The following TUSC3 variants were observed in gnomAD, a reference collection of about 807,000 sequenced individuals.
TUSC3 encodes the protein tumor suppressor candidate 3, also known as dolichyl-diphosphooligosaccharide--protein glycosyltransferase subunit TUSC3.
In TUSC3, 45 loss-of-function variants were observed where a neutral mutation model predicts 44.8. That is an observed-to-expected ratio of 1.00 (90% CI 0.79 to 1.29). TUSC3 has a LOEUF of 1.29. Ranked by LOEUF, TUSC3 falls within the 50% of genes most tolerant of loss-of-function variation. The probability of loss-of-function intolerance (pLI) is 0.00; values close to 1 mark genes in which losing one functional copy is unlikely to be tolerated. For synonymous variants in TUSC3, 212 were observed against 152.9 expected (o/e 1.39, Z -2.85); for missense variants, 519 against 437.9 (o/e 1.19, Z -1.65).
At chr8:15,758,238 C>T in intron 10 of TUSC3, 1 of 997,802 alleles carries the variant, frequency 1.0e-6, no homozygotes, top group Non-Finnish European at 1.2e-6. Context: ...TAATGTAAGC[C>T]TTAATATTCA....
At chr8:15,690,181 AT>A (rs1258646220) in intron 6 of TUSC3, among the ~76,000 whole-genome samples, 7 of 152,010 alleles carry the variant, frequency 4.6e-5, no homozygotes, top group Non-Finnish European at 1.5e-5. Context: ...AAAATCTATT[AT>A]TTTATGTCTT....
intron 1 of TUSC3, among the ~76,000 whole-genome samples, chr8:15,471,854 G>A (rs1270999741): frequency 1.3e-5 from 2 of 152,088 alleles, no homozygotes; most frequent in Admixed American, 6.6e-5. Flanking sequence ...CTGACCTCAG[G>A]TGATCCACCG....
intron 1 of TUSC3, among the ~76,000 whole-genome samples, chr8:15,451,604 C>T (rs1178168830): frequency 6.6e-6 from 1 of 152,186 alleles, no homozygotes; most frequent in Non-Finnish European, 1.5e-5. Context: ...CCAAATGCAT[C>T]TCTTCCATCT....
chr8:15,519,421 A>G (rs1050742106), intron 2 of TUSC3, among the ~76,000 whole-genome samples: 4 of 152,152 alleles, frequency 2.6e-5, no homozygotes. Context: ...GCTGTAACAG[A>G]TTAAGTCAGG....
At chr8:15,626,889 G>A (rs1805534594) in intron 2 of TUSC3, among the ~76,000 whole-genome samples, 1 of 152,176 alleles carries the variant, frequency 6.6e-6, no homozygotes. Flanking sequence ...GAACAACCTG[G>A]GCACCATGAA....
chr8:15,849,821 G>C, the TUSC3 span, among the ~76,000 whole-genome samples: 5 of 141,290 alleles, frequency 3.5e-5, no homozygotes, highest in Non-Finnish European at 6.3e-5. Context: ...AAAAAAAAAA[G>C]CAAAGCATCT....
chr8:15,543,646 G>A (rs913192845), intron 1 of TUSC3, among the ~76,000 whole-genome samples: 1 of 151,686 alleles, frequency 6.6e-6, no homozygotes, highest in African/African-American at 2.4e-5. Context: ...ATAATAAATG[G>A]TCACTAAGTG....
At chr8:15,470,055 A>T (rs1315084273) in intron 1 of TUSC3, among the ~76,000 whole-genome samples, 1 of 152,050 alleles carries the variant, frequency 6.6e-6, no homozygotes, top group Non-Finnish European at 1.5e-5. Context: ...CAGCAGTTCA[A>T]GACCAGCCTG....
At chr8:15,787,271 G>C in the TUSC3 span, among the ~76,000 whole-genome samples, 1 of 152,026 alleles carries the variant, frequency 6.6e-6, no homozygotes, top group Non-Finnish European at 1.5e-5. Context: ...TTTACAATCA[G>C]CATCATGCAC....
Position 15,460,697 on chromosome 8 carries a change from A to G in TUSC3, n.92-22689A>G, listed in dbSNP as rs902087139. Among the ~76,000 whole-genome samples the G allele has an allele frequency of 2.1e-4, 32 of 152,092 alleles. 1 individual carries two copies. Among genetic ancestry groups the G allele is most frequent in the Admixed American group, 1.8e-3 (27 of 15,268 alleles). On this transcript the variant is annotated intron_variant and non_coding_transcript_variant, in intron 1 of 5. Coordinates refer to the TUSC3 transcript ENST00000503191. ...TAAGTCCGTAATCCATCTTGAGTTGATTTTTGTGTAAGATGAGAGATGAGG... is the reference window on the plus strand; with the variant it reads ...TAAGTCCGTAATCCATCTTGAGTTGGTTTTTGTGTAAGATGAGAGATGAGG...
intron 2 of TUSC3, among the ~76,000 whole-genome samples, chr8:15,505,925 C>G: frequency 6.6e-6 from 1 of 152,094 alleles, no homozygotes; most frequent in East Asian, 1.9e-4. Flanking sequence ...TCTGGTCATA[C>G]AAACATACAA....
chr8:15,466,320 A>C (rs1466896351), intron 1 of TUSC3, among the ~76,000 whole-genome samples: 1 of 152,186 alleles, frequency 6.6e-6, no homozygotes, highest in African/African-American at 2.4e-5. Context: ...GCACTGAAGC[A>C]GTTATTTTTT....
the TUSC3 span, among the ~76,000 whole-genome samples, chr8:15,815,052 T>C: frequency 6.6e-6 from 1 of 152,112 alleles, no homozygotes; most frequent in Non-Finnish European, 1.5e-5. Context: ...TAACGAGATA[T>C]AAGTAATGAG....
chr8:15,729,747 A>T (rs1161589837), intron 6 of TUSC3, among the ~76,000 whole-genome samples: 4 of 152,048 alleles, frequency 2.6e-5, no homozygotes, highest in Non-Finnish European at 5.9e-5. Flanking sequence ...TTGAAAAACT[A>T]CCTATCAGGT....
chr8:15,662,376 C>T (rs778701623), intron 5 of TUSC3, 80 bp downstream of exon 5: 29 of 1,570,164 alleles, frequency 1.8e-5, no homozygotes, highest in Non-Finnish European at 2.4e-5. Flanking sequence ...CAAAATGAGC[C>T]AGATATAACT....
At chr8:15,777,539 C>A in the TUSC3 span, among the ~76,000 whole-genome samples, 2 of 152,068 alleles carry the variant, frequency 1.3e-5, no homozygotes, top group African/African-American at 2.4e-5. Flanking sequence ...ACAAGAAAGA[C>A]AAAATCTCTG....
intron 1 of TUSC3, among the ~76,000 whole-genome samples, chr8:15,452,644 A>T (rs1221511059): frequency 6.6e-6 from 1 of 152,186 alleles, no homozygotes; most frequent in African/African-American, 2.4e-5. Context: ...GTAGTCCAGG[A>T]CACGTAGCTC....
chr8:15,678,822 G>A (rs946784234), intron 6 of TUSC3, among the ~76,000 whole-genome samples: 2 of 152,062 alleles, frequency 1.3e-5, no homozygotes, highest in African/African-American at 4.8e-5. Context: ...TTGTTCTAAT[G>A]TATATGTTCG....
At chr8:15,828,394 C>A in the TUSC3 span, among the ~76,000 whole-genome samples, 1 of 152,186 alleles carries the variant, frequency 6.6e-6, no homozygotes, top group Non-Finnish European at 1.5e-5. Context: ...ATTTTATCTA[C>A]TGTCTTAGTT....
Sources: allele counts gnomAD v4.1 joint callset (sites outside exome capture counted in the v4.1 genomes callset), GRCh38; gene constraint gnomAD v4.1.1; transcripts MANE v1.5; gene names NCBI Gene and HGNC (gene_info 2026-07-23, HGNC 2026-07-21).